TMED2: variants seen among roughly 807,000 people sequenced by gnomAD.
TMED2 encodes transmembrane emp24 domain-containing protein 2.
In TMED2, 3 loss-of-function variants were observed where a neutral mutation model predicts 17.5. That is an observed-to-expected ratio of 0.17 (90% CI 0.08 to 0.44). The LOEUF (loss-of-function observed/expected upper bound fraction) is 0.44. Among genes scored for constraint, TMED2 ranks in the 20% least tolerant of loss-of-function variants. The pLI is 0.99. For synonymous variants in TMED2, 95 were observed against 91.0 expected, an observed-to-expected ratio of 1.04 and a Z score of -0.25; for missense variants, 149 against 254.8, an observed-to-expected ratio of 0.58 and a Z score of 2.83.
rs1953439546 is a variant in TMED2, at chr12:123,597,430, T to C, written c.*701T>C. On this transcript the variant is annotated 3_prime_UTR_variant, in exon 4 of 4. Coordinates refer to ENST00000262225, the MANE Select transcript of TMED2 (RefSeq NM_006815.4). The stretch of plus-strand genomic sequence containing the variant: ...CCCCCTAATTGTCTGTTAAAGCCAA[T>C]TCTCTGGGTGTCCCAGTGAGTGGTG... 1 of 152,322 alleles carries C rather than the reference T, an allele frequency of 6.6e-6. No homozygotes were observed. The highest frequency in any genetic ancestry group is 2.1e-4 in the South Asian group (1 of 4,838). The allele number at this position is 152,322 out of a possible 1,614,324, so 9.4% of individuals were successfully genotyped here.
At chr12:123,591,042 G>T (rs1953388905) in intron 3 of TMED2, among the ~76,000 whole-genome samples, 1 of 151,248 alleles carries the variant, frequency 6.6e-6, no homozygotes, top group Non-Finnish European at 1.5e-5. Flanking sequence ...TAAGGAATAA[G>T]CTAATTGTTT....
intron 2 of TMED2, among the ~76,000 whole-genome samples, chr12:123,588,048 T>G (rs1362197045): frequency 6.6e-6 from 1 of 152,136 alleles, no homozygotes; most frequent in Non-Finnish European, 1.5e-5. Context: ...AGGAGCCATA[T>G]GTTGATATGA....
intron 1 of TMED2, 131 bp from the exon 2 acceptor site, chr12:123,586,616 C>G: frequency 1.1e-6 from 1 of 884,628 alleles, no homozygotes. Flanking sequence ...TCCCAAAGTG[C>G]TGTGATTACA....
At chr12:123,587,624 C>G (rs1373954387) in intron 2 of TMED2, 1 of 1,279,582 alleles carries the variant, frequency 7.8e-7, no homozygotes. Flanking sequence ...GTGGAGATAC[C>G]TGGGATGGTA....
chr12:123,596,577 TTTTG>T lies in TMED2; in HGVS notation c.482-16_482-13del, dbSNP rs142888052. ...GTCTTTTTGGGGGAGAATTGTTAAATTTTGTTTGTTTGTTTTGTCCTCAACAGTC... is the reference window on the plus strand; with the variant it reads ...GTCTTTTTGGGGGAGAATTGTTAAATTTTGTTTGTTTTGTCCTCAACAGTC... On this transcript the variant is annotated intron_variant, in intron 3 of 3. Coordinates refer to ENST00000262225, the MANE Select transcript of TMED2 (RefSeq NM_006815.4). The T allele has an allele frequency of 8.9e-4, 1,405 of 1,577,178 alleles. 11 individuals are homozygous for T. In the African/African-American group the frequency reaches 0.015, roughly 17 times the overall value.
intron 1 of TMED2, 21 bp downstream of exon 1, chr12:123,584,837 G>A: frequency 6.2e-7 from 1 of 1,603,980 alleles, no homozygotes; most frequent in South Asian, 1.1e-5. Flanking sequence ...GCTGCCCGCA[G>A]CTGAGGCTTG....
At chr12:123,587,425 T>G (rs2135659625) in intron 2 of TMED2, among the ~76,000 whole-genome samples, 1 of 152,290 alleles carries the variant, frequency 6.6e-6, no homozygotes, top group South Asian at 2.1e-4. Context: ...CATTTGTCCC[T>G]TCTAACAGAT....
rs529181566 is a variant in TMED2 at position 123,598,351 on chromosome 12, T to C, written c.*1622T>C. 3 of 152,316 alleles carry C rather than the reference T, an allele frequency of 2.0e-5. No homozygotes were observed. In the East Asian group the frequency reaches 5.8e-4, roughly 29 times the overall value. 9.4% of individuals were successfully genotyped at this position (152,316 alleles called of 1,614,324 possible). On this transcript the variant is annotated 3_prime_UTR_variant, in exon 4 of 4. Coordinates refer to ENST00000262225, the MANE Select transcript of TMED2 (RefSeq NM_006815.4). ...CAGTGTGGCTTCTCTGATGGATCAG[T>C]GCTAAAATCTTAAGTATTTTTCTAT...
intron 2 of TMED2, among the ~76,000 whole-genome samples, chr12:123,589,773 A>T (rs117887064): frequency 0.083 from 12,518 of 151,436 alleles, 604 homozygotes; most frequent in Non-Finnish European, 0.11. Context: ...TATTTATTTT[A>T]TAAGTGTTTT....
In TMED2 at chr12:123,584,621, C is replaced by T. The variant is rs1162868565; in HGVS notation, c.-16C>T. On this transcript the variant is annotated 5_prime_UTR_variant, in exon 1 of 4. Coordinates refer to ENST00000262225, the MANE Select transcript of TMED2 (RefSeq NM_006815.4). ...GAGGCCGCAGTCCGGGTCCTGGCTTCGGCCTCAGCCCCACCATGGTGACGC... is the reference window on the plus strand; with the variant it reads ...GAGGCCGCAGTCCGGGTCCTGGCTTTGGCCTCAGCCCCACCATGGTGACGC... The T allele has an allele frequency of 3.7e-6, 6 of 1,603,894 alleles. No homozygotes were observed. The South Asian group carries it at 5.5e-5, about 15-fold the overall frequency.
In TMED2 at chr12:123,593,962, A is replaced by AT. The variant is rs764283197; in HGVS notation, c.482-2625dup. 9.2e-3 allele frequency among the ~76,000 whole-genome samples: 1,259 copies of AT among 136,874 alleles called. 14 individuals are homozygous for AT. Among genetic ancestry groups the AT allele is most frequent in the African/African-American group, 0.025 (924 of 36,654 alleles). The allele number at this position is 136,874 out of a possible 152,430, so 89.8% of individuals were successfully genotyped here. A position where few individuals can be genotyped will look rare whatever the true frequency, so the allele number is the denominator to read the frequency against. On this transcript the variant is annotated intron_variant, in intron 3 of 3. Transcript: ENST00000262225. ...AGGCATGTGCCACTACACCTGGCTA[A>AT]TTTTTTTTTTTTTTTTTTGGTATTG...
At chr12:123,585,724 T>C (rs762028272) in intron 1 of TMED2, 5 of 152,246 alleles carry the variant, frequency 3.3e-5, no homozygotes, top group African/African-American at 1.2e-4. Flanking sequence ...CTCGAAGTTA[T>C]GCAAGTGACA....
Position 123,596,787 on chromosome 12 carries a change from A to G in TMED2, c.*58A>G. On this transcript the variant is annotated 3_prime_UTR_variant, in exon 4 of 4. Transcript: ENST00000262225. ...TCACTGTTTACCAAACACCTTGGTC[A>G]TAATAATGTCATTAGTTTCTCCATT... The G allele has an allele frequency of 6.7e-7, 1 of 1,487,928 alleles. No individual in the cohort carries two copies. Among genetic ancestry groups the G allele is most frequent in the Non-Finnish European group, 8.9e-7 (1 of 1,117,356 alleles). 92.2% of individuals were successfully genotyped at this position (1,487,928 alleles called of 1,614,324 possible).
chr12:123,589,598 G>A (rs1318153787), intron 2 of TMED2, among the ~76,000 whole-genome samples: 2 of 152,108 alleles, frequency 1.3e-5, no homozygotes, highest in Non-Finnish European at 2.9e-5. Context: ...TACCCTGAAA[G>A]AGGTTTCTCT....
intron 1 of TMED2, among the ~76,000 whole-genome samples, chr12:123,585,305 A>G (rs1886320666): frequency 6.6e-6 from 1 of 152,222 alleles, no homozygotes; most frequent in Non-Finnish European, 1.5e-5. Flanking sequence ...AGTGCTAGGC[A>G]TACTTTCGCG....
At chr12:123,590,758 C>T (rs1322047589) in intron 3 of TMED2, among the ~76,000 whole-genome samples, 2 of 151,822 alleles carry the variant, frequency 1.3e-5, no homozygotes, top group Admixed American at 1.3e-4. Flanking sequence ...CTGAGGCAGG[C>T]GGATCACCTG....
chr12:123,584,852 C>T lies in TMED2; in HGVS notation c.180+36C>T, dbSNP rs369042037. ...GCTGCCCGCAGCTGAGGCTTGGTCG[C>T]GTGGCCACTCGGGGATTGGTGGCAC... On this transcript the variant is annotated intron_variant, in intron 1 of 3. Transcript: ENST00000262225. 6.6e-5 allele frequency: 106 copies of T among 1,598,364 alleles called. 1 individual carries two copies. The African/African-American group carries it at 8.3e-4, about 12-fold the overall frequency.
In TMED2 at chr12:123,590,364, A is replaced by G. The variant is rs539124815; in HGVS notation, c.396A>G (p.Glu132=). The change falls in exon 3 of 4, where the codon GAA becomes GAG. Residue 132 remains glutamate (E), a synonymous_variant. Transcript: ENST00000262225. ...ETEAHQNKLE[E]MINELAVAMT... ...TAGCTCACCAGAACAAGCTAGAAGA[A>G]ATGATCAATGAGCTAGCAGTGGCGA... 4.4e-6 allele frequency: 7 copies of G among 1,608,782 alleles called. No individual in the cohort carries two copies. The African/African-American group carries it at 5.3e-5, about 12-fold the overall frequency.
chr12:123,591,616 T>C (rs533119004), intron 3 of TMED2, among the ~76,000 whole-genome samples: 19 of 152,206 alleles, frequency 1.2e-4, no homozygotes, highest in African/African-American at 4.6e-4. Flanking sequence ...ATCCCACCTC[T>C]ACTAAAACTA....
Sources: gnomAD v4.1 joint callset for allele counts (sites outside exome capture counted in the v4.1 genomes callset) on GRCh38, gnomAD v4.1.1 for gene constraint, MANE v1.5 for transcripts, NCBI Gene and HGNC (gene_info 2026-07-23, HGNC 2026-07-21) for gene names.